The following PIK3C2A variants were observed in gnomAD, a reference collection of about 807,000 sequenced individuals.
PIK3C2A encodes phosphatidylinositol 4-phosphate 3-kinase C2 domain-containing subunit alpha.
PIK3C2A carries 97 observed loss-of-function variants against 204.5 expected under a neutral mutation model. The observed-to-expected ratio is 0.47, with a 90% CI of 0.40 to 0.56. PIK3C2A has a LOEUF of 0.56. PIK3C2A is among the 20% of genes least tolerant of loss of function. The pLI, the probability that PIK3C2A is intolerant of heterozygous loss-of-function variation, is 0.00. For missense variants in PIK3C2A, 1,735 were observed against 1,969.2 expected, an observed-to-expected ratio of 0.88 and a Z score of 2.25; for synonymous variants, 653 against 664.4, an observed-to-expected ratio of 0.98 and a Z score of 0.26.
intron 13 of PIK3C2A, among the ~76,000 whole-genome samples, chr11:17,127,755 A>G (rs1432499914): frequency 6.6e-6 from 1 of 152,228 alleles, no homozygotes; most frequent in Non-Finnish European, 1.5e-5. Context: ...AAAGTATTAG[A>G]TTAGCAGAAA....
In PIK3C2A at chr11:17,145,240, A is replaced by AC. The variant is rs568507569; in HGVS notation, c.1704+427dup. ...ATGACATTTAGGAGGGGCCAGGGGC[A>AC]CAATGATGTGGTTTGGCTCTATGTC... On this transcript the variant is annotated intron_variant, in intron 8 of 32. Coordinates refer to ENST00000691414, the MANE Select transcript of PIK3C2A (RefSeq NM_002645.4). Among the ~76,000 whole-genome samples, 112 of 152,322 alleles carry AC rather than the reference A, an allele frequency of 7.4e-4. 1 individual carries two copies. In the East Asian group the frequency reaches 0.02, roughly 28 times the overall value.
At chr11:17,195,840 C>T (rs1044307155) in intron 1 of PIK3C2A, among the ~76,000 whole-genome samples, 2 of 151,720 alleles carry the variant, frequency 1.3e-5, no homozygotes, top group African/African-American at 4.8e-5. Context: ...GGGTTTGAGA[C>T]CATCCTGGCT....
intron 1 of PIK3C2A, among the ~76,000 whole-genome samples, chr11:17,196,874 C>G (rs1490807264): frequency 6.6e-6 from 1 of 151,544 alleles, no homozygotes; most frequent in Non-Finnish European, 1.5e-5. Flanking sequence ...CCACCGTGCC[C>G]GGCAAGGATA....
chr11:17,105,507 G>C (rs923286133), intron 22 of PIK3C2A, among the ~76,000 whole-genome samples: 1 of 152,052 alleles, frequency 6.6e-6, no homozygotes, highest in Non-Finnish European at 1.5e-5. Context: ...TTTAAGCCCC[G>C]CATACATTAG....
chr11:17,206,283 C>T (rs904276148), intron 1 of PIK3C2A, among the ~76,000 whole-genome samples: 2 of 152,074 alleles, frequency 1.3e-5, no homozygotes, highest in African/African-American at 4.8e-5. Flanking sequence ...ATGGAAGAAA[C>T]TCCATATGTG....
chr11:17,131,214 C>T (rs540197255), intron 12 of PIK3C2A, among the ~76,000 whole-genome samples: 17 of 151,910 alleles, frequency 1.1e-4, no homozygotes, highest in Non-Finnish European at 2.5e-4. Flanking sequence ...TAACTTTTTT[C>T]GTTAAGTGTT....
intron 19 of PIK3C2A, 117 bp from the exon 20 acceptor site, chr11:17,114,582 G>C: frequency 1.8e-6 from 1 of 558,226 alleles, no homozygotes; most frequent in South Asian, 2.7e-5. Flanking sequence ...GTGAAAAAAA[G>C]GTTGTTACTA....
rs148969607 is a variant in PIK3C2A at position 17,147,553 on chromosome 11, C to T, written c.1524G>A (p.Leu508=). Reference sequence around the variant, plus strand: ...GATTTTGACACATTGCACTGAAGGTCAAGAGTTGTAGTCTAATTTCTGTGT... The same window carrying T: ...GATTTTGACACATTGCACTGAAGGTTAAGAGTTGTAGTCTAATTTCTGTGT... ...KWDTEIRLQL[L]TFSAMCQNLA... Residue 508 remains leucine, a synonymous_variant, in exon 6 of 33, where the codon TTG becomes TTA. Transcript: ENST00000691414. 6.2e-7 allele frequency: 1 copy of T among 1,611,734 alleles called. No homozygotes were observed. The highest frequency in any genetic ancestry group is 2.2e-5 in the East Asian group (1 of 44,834).
chr11:17,204,904 G>A (rs1345559701), intron 1 of PIK3C2A, among the ~76,000 whole-genome samples: 8 of 152,160 alleles, frequency 5.3e-5, no homozygotes, highest in Non-Finnish European at 7.4e-5. Flanking sequence ...TAGGCCAGGC[G>A]CAGTGGCTCA....
chr11:17,100,384 T>C (rs1848592033), intron 25 of PIK3C2A, among the ~76,000 whole-genome samples: 1 of 151,914 alleles, frequency 6.6e-6, no homozygotes, highest in South Asian at 2.1e-4. Context: ...TGGCGAACTT[T>C]TTTTTTTTTG....
chr11:17,144,561 A>C (rs1419063639), intron 8 of PIK3C2A, among the ~76,000 whole-genome samples: 1 of 152,144 alleles, frequency 6.6e-6, no homozygotes, highest in Non-Finnish European at 1.5e-5. Flanking sequence ...TTTTGGGGGT[A>C]AGTTAGGTCC....
At position 17,148,080 on chromosome 11, in the gene PIK3C2A, A is replaced by G. The variant is rs1850304532; in HGVS notation, c.1449-452T>C. On this transcript the variant is annotated intron_variant, in intron 5 of 32. Transcript: ENST00000691414. ...CAAAATTAGCCAGGCGTGGTGGTGC[A>G]TGCCTGTAATCCCAGCTACTCAGGA... 2.6e-5 allele frequency among the ~76,000 whole-genome samples: 4 copies of G among 152,034 alleles called. No homozygotes were observed. The South Asian group carries it at 6.2e-4, about 24-fold the overall frequency.
intron 22 of PIK3C2A, among the ~76,000 whole-genome samples, chr11:17,106,084 G>A (rs997741244): frequency 6.6e-6 from 1 of 150,594 alleles, no homozygotes; most frequent in South Asian, 2.1e-4. Context: ...ACTCCAGCCT[G>A]GGCAACAGAG....
At chr11:17,116,473 A>T (rs1356302803) in intron 19 of PIK3C2A, among the ~76,000 whole-genome samples, 1 of 152,226 alleles carries the variant, frequency 6.6e-6, no homozygotes, top group East Asian at 1.9e-4. Context: ...TGCTACAGAC[A>T]ATAATTCTAT....
chr11:17,131,347 T>C lies in PIK3C2A; in HGVS notation c.2231+569A>G, dbSNP rs141358065. Among the ~76,000 whole-genome samples, 693 of 152,236 alleles carry C rather than the reference T, an allele frequency of 4.6e-3. 10 individuals carry two copies. Among genetic ancestry groups the C allele is most frequent in the African/African-American group, 0.016 (658 of 41,538 alleles). On this transcript the variant is annotated intron_variant, in intron 12 of 32. Coordinates refer to ENST00000691414, the MANE Select transcript of PIK3C2A (RefSeq NM_002645.4). ...TTCTATAACTATAAATTTATATCTT[T>C]AACTTGACAAAGTCTAAAAAGAATG...
intron 3 of PIK3C2A, among the ~76,000 whole-genome samples, chr11:17,152,297 T>G (rs951551905): frequency 6.6e-6 from 1 of 152,146 alleles, no homozygotes; most frequent in Non-Finnish European, 1.5e-5. Context: ...AGATACCAGA[T>G]CCAGAAAATA....
At chr11:17,206,729 C>T (rs1382654266) in intron 1 of PIK3C2A, among the ~76,000 whole-genome samples, 12 of 152,132 alleles carry the variant, frequency 7.9e-5, no homozygotes, top group Non-Finnish European at 1.5e-5. Context: ...TGCAGCCTTC[C>T]CTCTTTCTAC....
Position 17,114,415 on chromosome 11 carries a change from A to G in PIK3C2A, c.3267T>C (p.Asn1089=). 1 of 1,598,746 alleles carries G rather than the reference A, an allele frequency of 6.3e-7. No individual in the cohort carries two copies. The highest frequency in any genetic ancestry group is 1.7e-4 in the Middle Eastern group (1 of 6,014). Residue 1089 remains asparagine (N), a synonymous_variant, in exon 20 of 33, where the codon AAT becomes AAC. Transcript: ENST00000691414. ...MERVQSFFQK[N]KCRLPLKPSL... is the part of the protein sequence containing the mutation. ...TTGGCTTGAGAGGGAGACGGCATTTATTTTTCTGAAAAAAGGACTGTACTC... is the reference window on the plus strand; with the variant it reads ...TTGGCTTGAGAGGGAGACGGCATTTGTTTTTCTGAAAAAAGGACTGTACTC...
At chr11:17,157,611 T>C (rs1446179770) in intron 2 of PIK3C2A, among the ~76,000 whole-genome samples, 1 of 152,184 alleles carries the variant, frequency 6.6e-6, no homozygotes, top group Non-Finnish European at 1.5e-5. Context: ...TTCTGCAGGA[T>C]TCTCAGTGTT....
Sources: allele counts gnomAD v4.1 joint callset (sites outside exome capture counted in the v4.1 genomes callset), GRCh38; gene constraint gnomAD v4.1.1; transcripts MANE v1.5; gene names NCBI Gene and HGNC (gene_info 2026-07-23, HGNC 2026-07-21).